The following SBF2 variants were observed in gnomAD, a reference collection of about 807,000 sequenced individuals.
The protein encoded by SBF2 is SET binding factor 2, also known as myotubularin-related protein 13.
In SBF2, 112 loss-of-function variants were observed where a neutral mutation model predicts 225.2. The observed-to-expected ratio is 0.50, with a 90% CI of 0.43 to 0.58. The LOEUF (loss-of-function observed/expected upper bound fraction) is 0.58, where lower values mean the gene tolerates loss of function less well. Ranked by LOEUF, SBF2 falls within the 20% of genes least tolerant of loss-of-function variation. SBF2 has a pLI of 0.00. For synonymous variants in SBF2, 763 were observed against 773.3 expected (o/e 0.99, Z 0.22); for missense variants, 1,996 against 2,206.2 (o/e 0.90, Z 1.91).
chr11:10,015,008 ATAG>A (rs1565134446), intron 6 of SBF2, among the ~76,000 whole-genome samples: 2 of 152,038 alleles, frequency 1.3e-5, no homozygotes, highest in Admixed American at 6.6e-5. Flanking sequence ...GTGTGTGCCC[ATAG>A]TTTCAGCTAC....
At chr11:9,858,422 T>A (rs752153980) in intron 17 of SBF2, 26 bp from the exon 18 acceptor site, 1 of 1,613,136 alleles carries the variant, frequency 6.2e-7, no homozygotes, top group East Asian at 2.2e-5. Context: ...AAATACATCA[T>A]CATGGGGCTG....
chr11:10,241,524 T>C (rs917037038), intron 1 of SBF2, among the ~76,000 whole-genome samples: 2 of 151,824 alleles, frequency 1.3e-5, no homozygotes, highest in African/African-American at 4.8e-5. Flanking sequence ...TAAAAGTTGG[T>C]TGTTAATTTG....
intron 6 of SBF2, among the ~76,000 whole-genome samples, chr11:10,020,177 C>T (rs531992882): frequency 4.8e-4 from 73 of 152,200 alleles, no homozygotes; most frequent in African/African-American, 1.6e-3. Flanking sequence ...AATTGGTGAT[C>T]GGCAGCTTCC....
At chr11:9,919,818 A>AG (rs1305651518) in intron 16 of SBF2, among the ~76,000 whole-genome samples, 1 of 151,828 alleles carries the variant, frequency 6.6e-6, no homozygotes, top group Non-Finnish European at 1.5e-5. Flanking sequence ...TACAACCTCC[A>AG]CCTCCCAGGT....
intron 2 of SBF2, among the ~76,000 whole-genome samples, chr11:10,079,267 A>G (rs1286707116): frequency 6.6e-6 from 1 of 152,234 alleles, no homozygotes; most frequent in Admixed American, 6.5e-5. Context: ...ACTAATGCAA[A>G]GAAATTAGAA....
chr11:9,815,339 T>C (rs12273851), intron 29 of SBF2, among the ~76,000 whole-genome samples: 78,242 of 144,626 alleles, frequency 0.54, 23,026 homozygotes, highest in Non-Finnish European at 0.67. Context: ...GCCTGTAATC[T>C]CAGCTACTCA....
At chr11:9,994,696 T>G (rs1947611336) in intron 9 of SBF2, among the ~76,000 whole-genome samples, 1 of 151,874 alleles carries the variant, frequency 6.6e-6, no homozygotes, top group Non-Finnish European at 1.5e-5. Context: ...ATAGTTGAAT[T>G]TTTAAAAACA....
chr11:10,049,334 C>T (rs567160597), intron 2 of SBF2, among the ~76,000 whole-genome samples: 2 of 152,146 alleles, frequency 1.3e-5, no homozygotes, highest in East Asian at 1.9e-4. Context: ...TGGCTGGGTG[C>T]GATGGCTCAC....
chr11:9,842,882 G>A, intron 24 of SBF2, 112 bp from the exon 25 acceptor site: 1 of 1,011,054 alleles, frequency 9.9e-7, no homozygotes, highest in Non-Finnish European at 1.5e-6. Flanking sequence ...GCCACTACTG[G>A]TCCAGACTCT....
chr11:10,056,652 G>C (rs1044472535), intron 2 of SBF2, among the ~76,000 whole-genome samples: 25 of 152,194 alleles, frequency 1.6e-4, no homozygotes, highest in African/African-American at 5.8e-4. Flanking sequence ...ACAAAAAGTG[G>C]CCACACTGCT....
chr11:10,063,858 CAGAGAGAGAG>C (rs1555006975), intron 2 of SBF2, among the ~76,000 whole-genome samples: 2 of 136,172 alleles, frequency 1.5e-5, no homozygotes, highest in Non-Finnish European at 3.1e-5. Context: ...CACACACACA[CAGAGAGAGAG>C]AGAGAGAGAG....
intron 16 of SBF2, among the ~76,000 whole-genome samples, chr11:9,917,805 C>T (rs1863233584): frequency 6.6e-6 from 1 of 151,462 alleles, no homozygotes; most frequent in Non-Finnish European, 1.5e-5. Context: ...TCCTCAGCTC[C>T]ATCTGACCGG....
chr11:10,165,756 G>A (rs554401510), intron 2 of SBF2, among the ~76,000 whole-genome samples: 1 of 152,212 alleles, frequency 6.6e-6, no homozygotes, highest in South Asian at 2.1e-4. Context: ...ATTAGGTTAA[G>A]GGTTCTATAT....
chr11:10,006,794 C>G (rs1408384862), intron 6 of SBF2, among the ~76,000 whole-genome samples: 1 of 152,128 alleles, frequency 6.6e-6, no homozygotes, highest in Non-Finnish European at 1.5e-5. Context: ...TCTTCAAGGT[C>G]ATATTTGAAG....
intron 16 of SBF2, among the ~76,000 whole-genome samples, chr11:9,923,243 C>T (rs1863770695): frequency 6.6e-6 from 1 of 152,156 alleles, no homozygotes; most frequent in Non-Finnish European, 1.5e-5. Context: ...CTAGATCTCT[C>T]CCTTGTTAAT....
chr11:10,095,027 T>C (rs1358308846), intron 2 of SBF2, among the ~76,000 whole-genome samples: 1 of 151,700 alleles, frequency 6.6e-6, no homozygotes, highest in Non-Finnish European at 1.5e-5. Flanking sequence ...ATATATAAAA[T>C]ATATCCTACC....
chr11:10,004,801 A>G (rs949503823), intron 6 of SBF2, among the ~76,000 whole-genome samples: 7 of 152,154 alleles, frequency 4.6e-5, no homozygotes, highest in African/African-American at 1.7e-4. Flanking sequence ...TAAATTGTGT[A>G]TTCAGTAAAA....
chr11:10,092,115 T>G, intron 2 of SBF2, among the ~76,000 whole-genome samples: 1 of 152,190 alleles, frequency 6.6e-6, no homozygotes, highest in Middle Eastern at 3.4e-3. Context: ...AAGACAATAT[T>G]TAGAGAAAAT....
At chr11:10,230,138 C>T (rs1015745102) in intron 1 of SBF2, among the ~76,000 whole-genome samples, 1 of 152,090 alleles carries the variant, frequency 6.6e-6, no homozygotes, top group Non-Finnish European at 1.5e-5. Flanking sequence ...ATTGCAATCC[C>T]TGCCTTTTTT....
Sources: allele counts gnomAD v4.1 joint callset (sites outside exome capture counted in the v4.1 genomes callset), GRCh38; gene constraint gnomAD v4.1.1; transcripts MANE v1.5; gene names NCBI Gene and HGNC (gene_info 2026-07-23, HGNC 2026-07-21).